The following RUFY3 variants were observed in gnomAD, a reference collection of about 807,000 sequenced individuals.
RUFY3 encodes RUN and FYVE domain containing 3.
RUFY3 carries 34 observed loss-of-function variants against 84.0 expected under a neutral mutation model. The ratio of observed to expected loss-of-function variants is 0.40; its 90% CI spans 0.31 to 0.54. RUFY3 has a LOEUF of 0.54. RUFY3 is among the 20% of genes least tolerant of loss of function. The pLI, the probability that RUFY3 is intolerant of heterozygous loss-of-function variation, is 0.39. For missense variants in RUFY3, 507 were observed against 736.8 expected (o/e 0.69, Z 3.61); for synonymous variants, 242 against 252.9 (o/e 0.96, Z 0.41).
chr4:70,787,778 A>G (rs1016693376), intron 10 of RUFY3, among the ~76,000 whole-genome samples: 4 of 152,178 alleles, frequency 2.6e-5, no homozygotes, highest in African/African-American at 9.7e-5. Flanking sequence ...AGTGGCACAT[A>G]ATAAAAATCT....
rs191541357 is a variant in RUFY3, at chr4:70,741,248, A to G, written c.178+18497A>G. 4.0e-3 allele frequency among the ~76,000 whole-genome samples: 608 copies of G among 152,214 alleles called. 2 individuals carry two copies. Among genetic ancestry groups the G allele is most frequent in the African/African-American group, 0.014 (574 of 41,538 alleles). On this transcript the variant is annotated intron_variant, in intron 1 of 17. Transcript: ENST00000381006. ...AGAAATATATCGCACATACTTTTCA[A>G]TTCCCTGAAGTGATCAAAATAATAG...
chr4:70,705,060 G>A lies in RUFY3; in HGVS notation c.124G>A (p.Gly42Ser), dbSNP rs2148544006. ...TCCCGCCGGGGGCACGGACCGAGAG[G>A]GCGAGGCGGGGCCGCCGCCGGCCTC... is the stretch of plus-strand genomic sequence containing the variant. The change falls in exon 1 of 12, where the codon GGC becomes AGC. Residue 42 changes from glycine (G) to serine (S), a missense_variant. Transcript: ENST00000417478. 3.9e-6 allele frequency: 5 copies of A among 1,284,806 alleles called. No individual in the cohort carries two copies. The Admixed American group carries it at 1.3e-4, about 33-fold the overall frequency. 79.6% of individuals were successfully genotyped at this position (1,284,806 alleles called of 1,614,324 possible).
chr4:70,734,425 C>T, intron 1 of RUFY3: 4 of 985,384 alleles, frequency 4.1e-6, no homozygotes, highest in Non-Finnish European at 4.8e-6. Flanking sequence ...GTCAGGTTCT[C>T]TGAGCTGTGA....
Position 70,803,108 on chromosome 4 carries a change from A to G in RUFY3, c.1650+125A>G, listed in dbSNP as rs143757930. ...AATACAGTGTGCCATCCTTCTAACAATACCCTGAACAAATATGTATTGCCT... is the reference window on the plus strand; with the variant it reads ...AATACAGTGTGCCATCCTTCTAACAGTACCCTGAACAAATATGTATTGCCT... On this transcript the variant is annotated intron_variant, in intron 16 of 17. Coordinates refer to ENST00000381006, the MANE Select transcript of RUFY3 (RefSeq NM_001037442.4). 2.2e-3 allele frequency: 1,428 copies of G among 656,966 alleles called. 15 individuals are homozygous for G. The highest frequency in any genetic ancestry group is 9.3e-3 in the Middle Eastern group (37 of 3,974). The allele number at this position is 656,966 out of a possible 1,614,324, so 40.7% of individuals were successfully genotyped here.
chr4:70,734,514 T>G lies in RUFY3; in HGVS notation c.178+11763T>G, dbSNP rs182690366. On this transcript the variant is annotated intron_variant, in intron 1 of 17. Coordinates refer to ENST00000381006, the MANE Select transcript of RUFY3 (RefSeq NM_001037442.4). ...CTTTTAATACAGTCTCAGAAGCCTA[T>G]GGGACAAAGTTTTCTGGACACGGTT... 420 of 985,434 alleles carry G rather than the reference T, an allele frequency of 4.3e-4. 1 individual carries two copies. The highest frequency in any genetic ancestry group is 1.0e-3 in the Middle Eastern group (2 of 1,914). The allele number at this position is 985,434 out of a possible 1,614,324, so 61.0% of individuals were successfully genotyped here.
chr4:70,725,434 G>A (rs1254763147), intron 1 of RUFY3, among the ~76,000 whole-genome samples: 4 of 151,722 alleles, frequency 2.6e-5, no homozygotes, highest in East Asian at 1.9e-4. Context: ...GGGTTCAAGC[G>A]ATTCTCCTGC....
At chr4:70,709,364 C>G (rs1366221869) in intron 1 of RUFY3, among the ~76,000 whole-genome samples, 2 of 152,186 alleles carry the variant, frequency 1.3e-5, no homozygotes, top group Non-Finnish European at 2.9e-5. Flanking sequence ...TTAAATGTTT[C>G]ATAATACATA....
upstream of RUFY3, among the ~76,000 whole-genome samples, chr4:70,719,041 A>G (rs1003083199): frequency 6.6e-6 from 1 of 152,232 alleles, no homozygotes; most frequent in Admixed American, 6.5e-5. Context: ...AAGTTTCTAC[A>G]AATAGCACTG....
intron 1 of RUFY3, among the ~76,000 whole-genome samples, chr4:70,745,845 C>T (rs1236963664): frequency 1.3e-5 from 2 of 152,052 alleles, no homozygotes; most frequent in Non-Finnish European, 2.9e-5. Context: ...CAGTACTTTG[C>T]GGGGCCGAGG....
exon 1 of RUFY3, chr4:70,704,866 C>G (rs1278433980): frequency 9.6e-7 from 1 of 1,046,062 alleles, no homozygotes; most frequent in Non-Finnish European, 1.2e-6. Context: ...GGCGGCTCCT[C>G]GCCCTGACCC....
At chr4:70,710,677 CA>C (rs895756878) in intron 1 of RUFY3, among the ~76,000 whole-genome samples, 5 of 147,466 alleles carry the variant, frequency 3.4e-5, no homozygotes, top group South Asian at 2.1e-4. Flanking sequence ...TCTCAAAAAA[CA>C]AAAAAAAAGA....
rs575605643 is a variant in RUFY3 at position 70,748,584 on chromosome 4, G to A, written c.179-13935G>A. ...GCCTCTTGCTGTTTCTTGGATGCTG[G>A]CAAAAGACACAAGACTCCTAGGTCA... is the stretch of plus-strand genomic sequence containing the variant. On this transcript the variant is annotated intron_variant, in intron 1 of 17. Coordinates refer to ENST00000381006, the MANE Select transcript of RUFY3 (RefSeq NM_001037442.4). Among the ~76,000 whole-genome samples, 14 of 152,206 alleles carry A rather than the reference G, an allele frequency of 9.2e-5. No individual in the cohort carries two copies. In the East Asian group the frequency reaches 2.7e-3, roughly 29 times the overall value.
chr4:70,704,376 G>A (rs1740011382), upstream of RUFY3: 1 of 152,278 alleles, frequency 6.6e-6, no homozygotes, highest in Non-Finnish European at 1.5e-5. Context: ...GGGGCAGGGA[G>A]GTGCTTTTTT....
chr4:70,787,195 T>A lies in RUFY3; in HGVS notation c.1072-1611T>A, dbSNP rs1383642658. Among the ~76,000 whole-genome samples the A allele has an allele frequency of 1.9e-3, 239 of 127,852 alleles. 2 individuals carry two copies. Among genetic ancestry groups the A allele is most frequent in the African/African-American group, 6.3e-3 (193 of 30,874 alleles). 83.9% of individuals were successfully genotyped at this position (127,852 alleles called of 152,430 possible). A position where few individuals can be genotyped will look rare whatever the true frequency, so the allele number is the denominator to read the frequency against. On this transcript the variant is annotated intron_variant, in intron 10 of 17. Transcript: ENST00000381006. ...AAAAAAAAAAAAAAAAAAATATATA[T>A]ATATATATATATATATATAAAAACA...
intron 1 of RUFY3, among the ~76,000 whole-genome samples, chr4:70,746,740 G>A (rs1371243229): frequency 6.6e-6 from 1 of 152,146 alleles, no homozygotes; most frequent in Non-Finnish European, 1.5e-5. Context: ...ACTGATACAT[G>A]CAACAACCTG....
intron 1 of RUFY3, among the ~76,000 whole-genome samples, chr4:70,762,318 G>GA (rs1255654905): frequency 2.0e-5 from 3 of 151,700 alleles, no homozygotes; most frequent in Admixed American, 1.3e-4. Context: ...CTGTCTCAAA[G>GA]AAAAAAAGAA....
intron 6 of RUFY3, among the ~76,000 whole-genome samples, chr4:70,774,614 C>CAAAAAAAAAAA (rs1172638290): frequency 4.5e-5 from 1 of 22,090 alleles, no homozygotes; most frequent in Non-Finnish European, 7.0e-5. Flanking sequence ...GACTCTGCCT[C>CAAAAAAAAAAA]AAAAAAAAAA....
At chr4:70,719,369 T>C (rs1408270603), upstream of RUFY3, among the ~76,000 whole-genome samples, 1 of 152,258 alleles carries the variant, frequency 6.6e-6, no homozygotes, top group Non-Finnish European at 1.5e-5. Context: ...CTAACCTTGA[T>C]GTTCCTGTTG....
chr4:70,740,350 G>A (rs960213294), intron 1 of RUFY3, among the ~76,000 whole-genome samples: 3 of 152,118 alleles, frequency 2.0e-5, no homozygotes, highest in Non-Finnish European at 4.4e-5. Flanking sequence ...GTTTGTAACA[G>A]AAAAATGTTC....
Sources: allele counts gnomAD v4.1 joint callset (sites outside exome capture counted in the v4.1 genomes callset), GRCh38; gene constraint gnomAD v4.1.1; transcripts MANE v1.5; gene names NCBI Gene and HGNC (gene_info 2026-07-23, HGNC 2026-07-21).